LRP1: variants seen among roughly 807,000 people sequenced by gnomAD.
The protein encoded by LRP1 is prolow-density lipoprotein receptor-related protein 1.
Under a neutral mutation model 541.5 loss-of-function variants are expected in LRP1, and 51 were observed. That is an observed-to-expected ratio of 0.09 (90% CI 0.08 to 0.12). The LOEUF (loss-of-function observed/expected upper bound fraction) is 0.12, where lower values mean the gene tolerates loss of function less well. Among genes scored for constraint, LRP1 ranks in the 10% least tolerant of loss-of-function variants. The probability of loss-of-function intolerance (pLI) is 1.00; values close to 1 mark genes in which losing one functional copy is unlikely to be tolerated. For missense variants in LRP1, 3,878 were observed against 6,376.2 expected (o/e 0.61, Z 13.34); for synonymous variants, 2,219 against 2,470.8 (o/e 0.90, Z 3.02).
chr12:57,176,006 C>A lies in LRP1; in HGVS notation c.3891C>A (p.Arg1297=), dbSNP rs760592760. Residue 1297 remains arginine, a synonymous_variant, in exon 24 of 89, where the codon CGC becomes CGA. Transcript: ENST00000243077. ...GDYSVLVPGL[R]NTIALDFHLS... is the part of the protein sequence containing the mutation. ...ACAGCGTCCTGGTGCCCGGCCTGCG[C>A]AACACCATCGCCCTGGACTTCCACC... 1.2e-6 allele frequency: 2 copies of A among 1,614,236 alleles called. No homozygotes were observed. The highest frequency in any genetic ancestry group is 2.2e-5 in the East Asian group (1 of 44,884).
At chr12:57,192,313 G>A (rs1462281777) in intron 44 of LRP1, among the ~76,000 whole-genome samples, 1 of 151,946 alleles carries the variant, frequency 6.6e-6, no homozygotes, top group African/African-American at 2.4e-5. Flanking sequence ...GCACACGCCT[G>A]GCATCTCCTC....
At chr12:57,130,447 C>T (rs2035016232) in intron 1 of LRP1, among the ~76,000 whole-genome samples, 1 of 151,202 alleles carries the variant, frequency 6.6e-6, no homozygotes, top group South Asian at 2.1e-4. Context: ...AATTAGCTGC[C>T]CCGGAGGAGG....
Position 57,194,592 on chromosome 12 carries a change from G to A in LRP1, c.8084G>A (p.Arg2695Lys). 3 of 1,612,422 alleles carry A rather than the reference G, an allele frequency of 1.9e-6. No homozygotes were observed. The highest frequency in any genetic ancestry group is 2.5e-6 in the Non-Finnish European group (3 of 1,179,888). Reference protein sequence around the residue: ...ERDCPGVKRPRCPLNYFACPS... With the variant: ...ERDCPGVKRPKCPLNYFACPS... ...CGCCCCCCAGGTGTGAAACGCCCCA[G>A]ATGCCCTCTGAATTACTTCGCCTGC... Residue 2695 changes from arginine (R) to lysine (K), a missense_variant, in exon 50 of 89, where the codon AGA (arginine) becomes AAA (lysine). Around this residue, in one of 13 missense-constraint regions of LRP1, gnomAD observed 1,100 missense variants for 1,827.4 expected, o/e 0.60. Transcript: ENST00000243077.
chr12:57,193,739 C>CT, intron 47 of LRP1, 54 bp downstream of exon 47: 1 of 1,613,664 alleles, frequency 6.2e-7, no homozygotes, highest in Non-Finnish European at 8.5e-7. Flanking sequence ...TGCCCCACCC[C>CT]TCCCTGGCCA....
chr12:57,153,348 TC>T (rs1473511747), intron 6 of LRP1, among the ~76,000 whole-genome samples: 3 of 152,176 alleles, frequency 2.0e-5, no homozygotes, highest in African/African-American at 7.2e-5. Context: ...CTTTGGCTCT[TC>T]TTGGCTTCTT....
In LRP1 at chr12:57,183,940, G is replaced by C; in HGVS notation, c.5929+31G>C. The C allele has an allele frequency of 1.2e-6, 2 of 1,613,620 alleles. No individual in the cohort carries two copies. The highest frequency in any genetic ancestry group is 1.7e-6 in the Non-Finnish European group (2 of 1,179,778). On this transcript the variant is annotated intron_variant, in intron 36 of 88. Transcript: ENST00000243077. This position sits in a 1 kb window ranked among gnomAD's most constrained non-coding sequence, Gnocchi z 6.1. ...CAGTGGGCAGGTTTGTGGGGCTTGG[G>C]GTGTGGCAGAGGACTGGGGGACGAA...
chr12:57,204,381 T>C lies in LRP1; in HGVS notation c.10952-29T>C, dbSNP rs1406697352. ...GGGGTCTGGGTGGGCTCATGGCTCA[T>C]TCTATCTCTTGGCTCCCCCTGGCAC... is the stretch of plus-strand genomic sequence containing the variant. On this transcript the variant is annotated intron_variant, in intron 70 of 88. Transcript: ENST00000243077. The surrounding 1 kb of genome is among the most constrained non-coding windows in gnomAD (Gnocchi z 5.3). The C allele has an allele frequency of 6.6e-7, 1 of 1,511,960 alleles. No homozygotes were observed. Among genetic ancestry groups the C allele is most frequent in the Non-Finnish European group, 8.9e-7 (1 of 1,129,246 alleles). The allele number at this position is 1,511,960 out of a possible 1,614,324, so 93.7% of individuals were successfully genotyped here. A position where few individuals can be genotyped will look rare whatever the true frequency, so the allele number is the denominator to read the frequency against.
intron 44 of LRP1, 70 bp from the exon 45 acceptor site, chr12:57,192,775 T>C: frequency 6.3e-7 from 1 of 1,595,340 alleles, no homozygotes; most frequent in Non-Finnish European, 8.6e-7. Flanking sequence ...AGTGAATGGG[T>C]GGGTGCACTC....
Position 57,156,640 on chromosome 12 carries a change from G to A in LRP1, c.1418-137G>A. 1 of 1,017,646 alleles carries A rather than the reference G, an allele frequency of 9.8e-7. No homozygotes were observed. The highest frequency in any genetic ancestry group is 1.4e-6 in the Non-Finnish European group (1 of 720,498). The allele number at this position is 1,017,646 out of a possible 1,614,324, so 63.0% of individuals were successfully genotyped here. ...TGGGGGGCAGAGGGTTTCCACCCCT[G>A]TGGCTTCCAAATCCTAAAATGGGAT... On this transcript the variant is annotated intron_variant, in intron 9 of 88. Transcript: ENST00000243077. This position sits in a 1 kb window ranked among gnomAD's most constrained non-coding sequence, Gnocchi z 5.2.
At chr12:57,151,213 T>C (rs2035519549) in intron 6 of LRP1, among the ~76,000 whole-genome samples, 2 of 151,978 alleles carry the variant, frequency 1.3e-5, no homozygotes, top group Admixed American at 1.3e-4. Context: ...GATGGAGAAG[T>C]TGAGAAAAGC....
intron 1 of LRP1, among the ~76,000 whole-genome samples, chr12:57,138,147 G>A (rs34073963): frequency 0.029 from 4,415 of 152,266 alleles, 88 homozygotes; most frequent in Middle Eastern, 0.065. Context: ...GCCAGGGGGT[G>A]CTGGTGTCTG....
At chr12:57,202,618 G>A (rs950942838) in intron 68 of LRP1, 81 bp downstream of exon 68, 100 of 1,094,152 alleles carry the variant, frequency 9.1e-5, no homozygotes, top group African/African-American at 1.2e-4. Context: ...CACAGGCCGC[G>A]CCAGAGCTGG....
Position 57,177,225 on chromosome 12 carries a change from C to T in LRP1, c.4176C>T (p.Ile1392=), listed in dbSNP as rs746588851. ...GTGACATTGAGCACCCAAGGGCAAT[C>T]GCACTGGATCCCCGGGATGGGTGAG... The part of the protein sequence containing the change: ...LAGDIEHPRA[I]ALDPRDGILF... Residue 1392 remains isoleucine (I), a synonymous_variant, in exon 25 of 89, where the codon ATC becomes ATT. Transcript: ENST00000243077. The surrounding 1 kb of genome is among the most constrained non-coding windows in gnomAD (Gnocchi z 6.8). 9 of 1,614,176 alleles carry T rather than the reference C, an allele frequency of 5.6e-6. No homozygotes were observed. Among genetic ancestry groups the T allele is most frequent in the African/African-American group, 1.3e-5 (1 of 75,058 alleles).
Position 57,197,284 on chromosome 12 carries a change from A to G in LRP1, c.9077-15A>G. ...AGAATGTGCCAGGAGCTGAGGCAAG[A>G]TCCTCTGTCTGCAGACGAGGAACCG... On this transcript the variant is annotated splice_polypyrimidine_tract_variant and intron_variant, in intron 56 of 88. Transcript: ENST00000243077. The surrounding 1 kb of genome is among the most constrained non-coding windows in gnomAD (Gnocchi z 4.5). 6.2e-7 allele frequency: 1 copy of G among 1,613,634 alleles called. No homozygotes were observed. Among genetic ancestry groups the G allele is most frequent in the Non-Finnish European group, 8.5e-7 (1 of 1,179,562 alleles).
In LRP1 at chr12:57,211,334, G is replaced by A. The variant is rs2036910364; in HGVS notation, c.13075G>A (p.Gly4359Arg). 6.2e-7 allele frequency: 1 copy of A among 1,613,882 alleles called. No individual in the cohort carries two copies. Among genetic ancestry groups the A allele is most frequent in the Non-Finnish European group, 8.5e-7 (1 of 1,180,008 alleles). Residue 4359 changes from glycine (G) to arginine (R), a missense_variant, in exon 84 of 89, where the codon GGG (glycine) becomes AGG (arginine). Gly to Arg is a moderately radical substitution (Grantham distance 125). Transcript: ENST00000243077. The surrounding 1 kb of genome is among the most constrained non-coding windows in gnomAD (Gnocchi z 4.3). ...EGACVVNKQS[G>R]DVTCNCTDGR... ...GGCCTGTGTGGTCAACAAGCAGAGTGGGGATGTCACCTGCAAGTGAGTGGG... is the reference window on the plus strand; with the variant it reads ...GGCCTGTGTGGTCAACAAGCAGAGTAGGGATGTCACCTGCAAGTGAGTGGG...
chr12:57,175,270 C>T (rs573060085), intron 22 of LRP1, among the ~76,000 whole-genome samples, 190 bp from the exon 23 acceptor site: 1 of 152,276 alleles, frequency 6.6e-6, no homozygotes, highest in East Asian at 1.9e-4. Context: ...AACTCTGGTC[C>T]TGAGGGAGCC....
Position 57,179,189 on chromosome 12 carries a change from G to T in LRP1, c.4739-140G>T. 1 of 1,172,370 alleles carries T rather than the reference G, an allele frequency of 8.5e-7. No homozygotes were observed. Among genetic ancestry groups the T allele is most frequent in the Non-Finnish European group, 1.2e-6 (1 of 828,284 alleles). 72.6% of individuals were successfully genotyped at this position (1,172,370 alleles called of 1,614,324 possible). A position where few individuals can be genotyped will look rare whatever the true frequency, so the allele number is the denominator to read the frequency against. ...AAGGGGCTGCAGGTCTGCCAGGGGG[G>T]CTGCACCCAGCGGGGTATGTCCACG... On this transcript the variant is annotated intron_variant, in intron 28 of 88. Transcript: ENST00000243077. The surrounding 1 kb of genome is among the most constrained non-coding windows in gnomAD (Gnocchi z 6.8).
At chr12:57,193,469 T>G in intron 46 of LRP1, 97 bp from the exon 47 acceptor site, 1 of 1,535,518 alleles carries the variant, frequency 6.5e-7, no homozygotes, top group Non-Finnish European at 8.8e-7. Context: ...GGCCTTTGGG[T>G]TTGGGGGTGG....
chr12:57,194,255 CT>C, intron 48 of LRP1, 98 bp from the exon 49 acceptor site: 1 of 1,383,094 alleles, frequency 7.2e-7, no homozygotes, highest in Non-Finnish European at 9.6e-7. Context: ...CACCGTTCAA[CT>C]TTTGGAAACA....
Sources: allele counts gnomAD v4.1 joint callset (sites outside exome capture counted in the v4.1 genomes callset), GRCh38; gene constraint gnomAD v4.1.1; regional missense constraint gnomAD v4.1.1; non-coding constraint Gnocchi (gnomAD v3.1); transcripts MANE v1.5; gene names NCBI Gene and HGNC (gene_info 2026-07-23, HGNC 2026-07-21).